MBD5: variants seen among roughly 807,000 people sequenced by gnomAD.
MBD5 encodes the protein methyl-CpG binding domain protein 5.
In MBD5, 13 loss-of-function variants were observed where a neutral mutation model predicts 117.3. The ratio of observed to expected loss-of-function variants is 0.11; its 90% CI spans 0.07 to 0.18. The LOEUF is 0.18. MBD5 is among the 10% of genes least tolerant of loss of function. The pLI, the probability that MBD5 is intolerant of heterozygous loss-of-function variation, is 1.00. For synonymous variants in MBD5, 727 were observed against 766.4 expected, an observed-to-expected ratio of 0.95 and a Z score of 0.85; for missense variants, 1,879 against 2,093.8, an observed-to-expected ratio of 0.90 and a Z score of 2.00.
intron 7 of MBD5, among the ~76,000 whole-genome samples, chr2:148,464,369 A>ACACG (rs1189333629): frequency 3.3e-5 from 5 of 152,160 alleles, no homozygotes; most frequent in Non-Finnish European, 7.3e-5. Flanking sequence ...ACCACCACAC[A>ACACG]CACGCATGCA....
intron 4 of MBD5, among the ~76,000 whole-genome samples, chr2:148,381,900 G>A (rs1409613282): frequency 6.6e-6 from 1 of 152,194 alleles, no homozygotes; most frequent in East Asian, 1.9e-4. Context: ...TTACAGACAA[G>A]CAAATGCTGA....
chr2:148,382,857 T>G (rs1418392791), intron 4 of MBD5, among the ~76,000 whole-genome samples: 4 of 151,754 alleles, frequency 2.6e-5, no homozygotes, highest in African/African-American at 9.7e-5. Context: ...GAATGACTAC[T>G]GGGTACATAA....
intron 1 of MBD5, chr2:148,041,113 C>T (rs138212332): frequency 1.1e-4 from 17 of 152,366 alleles, no homozygotes; most frequent in African/African-American, 4.1e-4. Context: ...GCCACCATGC[C>T]CAGCTTATTT....
chr2:148,214,603 G>A (rs1699506977), intron 2 of MBD5, among the ~76,000 whole-genome samples: 1 of 152,140 alleles, frequency 6.6e-6, no homozygotes, highest in Non-Finnish European at 1.5e-5. Context: ...GCTTATGCCT[G>A]ATAACCAAAA....
chr2:148,082,243 A>G (rs888752367), intron 1 of MBD5, among the ~76,000 whole-genome samples: 1 of 152,186 alleles, frequency 6.6e-6, no homozygotes, highest in Non-Finnish European at 1.5e-5. Flanking sequence ...ATACAACAGC[A>G]TCTTTTATCT....
intron 8 of MBD5, chr2:148,471,133 T>C (rs947149940): frequency 1.3e-5 from 2 of 152,180 alleles, no homozygotes; most frequent in Admixed American, 6.6e-5. Context: ...GAATTTTTAA[T>C]CTTGAAATTG....
chr2:148,509,818 G>A (rs942087167), intron 12 of MBD5, among the ~76,000 whole-genome samples: 13 of 152,184 alleles, frequency 8.5e-5, no homozygotes, highest in Admixed American at 2.0e-4. Flanking sequence ...ATGTGGAAGA[G>A]GAAAAAGTCC....
chr2:148,204,551 C>A (rs115225942), intron 2 of MBD5, among the ~76,000 whole-genome samples: 3,363 of 152,186 alleles, frequency 0.022, 111 homozygotes, highest in African/African-American at 0.069. Flanking sequence ...CATAAAATTT[C>A]TGTACATTAA....
intron 3 of MBD5, among the ~76,000 whole-genome samples, chr2:148,305,101 A>G (rs1484596895): frequency 1.3e-5 from 2 of 152,114 alleles, no homozygotes; most frequent in African/African-American, 4.8e-5. Context: ...AAGGCAGGCC[A>G]TTTGATCAGA....
chr2:148,136,330 G>A (rs1391495166), intron 1 of MBD5, among the ~76,000 whole-genome samples: 2 of 152,084 alleles, frequency 1.3e-5, no homozygotes, highest in Non-Finnish European at 2.9e-5. Flanking sequence ...GGGGTAGGGG[G>A]AAGAATGGCC....
chr2:148,338,922 T>C (rs1042242005), intron 3 of MBD5, among the ~76,000 whole-genome samples: 13 of 152,186 alleles, frequency 8.5e-5, no homozygotes, highest in Admixed American at 1.3e-4. Flanking sequence ...GACATTCAAA[T>C]TTGGGCTGAC....
intron 2 of MBD5, among the ~76,000 whole-genome samples, chr2:148,181,745 G>C (rs909611261): frequency 6.6e-6 from 1 of 151,880 alleles, no homozygotes; most frequent in African/African-American, 2.4e-5. Context: ...TATCAGTTTA[G>C]ATATTATAAA....
At chr2:148,251,381 C>T (rs1324166578) in intron 3 of MBD5, among the ~76,000 whole-genome samples, 1 of 152,114 alleles carries the variant, frequency 6.6e-6, no homozygotes, top group East Asian at 1.9e-4. Flanking sequence ...AATTTCCATG[C>T]ATTATGGGCT....
At chr2:148,176,304 GTT>G (rs34981118) in intron 1 of MBD5, among the ~76,000 whole-genome samples, 5,114 of 98,924 alleles carry the variant, frequency 0.052, 124 homozygotes, top group African/African-American at 0.11. Context: ...TTAGAGTTTT[GTT>G]TTTTTTTTTT....
At position 148,483,438 on chromosome 2, in the gene MBD5, C is replaced by T; in HGVS notation, c.2847C>T (p.Gly949=). The T allele has an allele frequency of 6.8e-6, 11 of 1,614,048 alleles. No homozygotes were observed. The highest frequency in any genetic ancestry group is 9.3e-6 in the Non-Finnish European group (11 of 1,179,936). Reference sequence around the variant, plus strand: ...TCCTCCAGCCTTCAGCAGGAGAAGGCAAGTCTGAGATCAACCTCCACCCTT... The same window carrying T: ...TCCTCCAGCCTTCAGCAGGAGAAGGTAAGTCTGAGATCAACCTCCACCCTT... ...LNILQPSAGE[G]KSEINLHPLG... The change falls in exon 9 of 14, where the codon GGC becomes GGT. Residue 949 remains glycine (G), a synonymous_variant. Transcript: ENST00000642680.
At chr2:148,362,297 G>T (rs943322069) in intron 4 of MBD5, among the ~76,000 whole-genome samples, 9 of 152,124 alleles carry the variant, frequency 5.9e-5, no homozygotes, top group African/African-American at 1.9e-4. Context: ...GAGCTTGGTG[G>T]GGGGAGGGGC....
chr2:148,444,500 G>A (rs1016910338), intron 4 of MBD5, among the ~76,000 whole-genome samples: 2 of 151,238 alleles, frequency 1.3e-5, no homozygotes, highest in Non-Finnish European at 2.9e-5. Context: ...CTGACAAAAT[G>A]AGACCCCTAT....
intron 1 of MBD5, among the ~76,000 whole-genome samples, chr2:148,106,856 T>C (rs931907956): frequency 3.4e-4 from 51 of 152,096 alleles, no homozygotes; most frequent in African/African-American, 1.1e-3. Context: ...GTTTTATTCA[T>C]TTAATTTTGT....
chr2:148,463,355 A>C (rs1707156607), intron 6 of MBD5, among the ~76,000 whole-genome samples: 1 of 152,218 alleles, frequency 6.6e-6, no homozygotes, highest in South Asian at 2.1e-4. Flanking sequence ...CGTAATAATA[A>C]AATGAAGCCA....
Sources: allele counts gnomAD v4.1 joint callset (sites outside exome capture counted in the v4.1 genomes callset), GRCh38; gene constraint gnomAD v4.1.1; transcripts MANE v1.5; gene names NCBI Gene and HGNC (gene_info 2026-07-23, HGNC 2026-07-21).